RBFOX1: variants seen among roughly 807,000 people sequenced by gnomAD.
The protein encoded by RBFOX1 is RNA binding protein fox-1 homolog 1.
In RBFOX1, 8 loss-of-function variants were observed where a neutral mutation model predicts 57.7. That is an observed-to-expected ratio of 0.14 (90% CI 0.08 to 0.25). The LOEUF (loss-of-function observed/expected upper bound fraction) is 0.25, where lower values mean the gene tolerates loss of function less well. RBFOX1 is among the 10% of genes least tolerant of loss of function. The pLI, the probability that RBFOX1 is intolerant of heterozygous loss-of-function variation, is 1.00. For synonymous variants in RBFOX1, 326 were observed against 222.4 expected (o/e 1.47, Z -4.15); for missense variants, 611 against 548.5 (o/e 1.11, Z -1.14).
At chr16:6,863,859 T>G (rs529401648) in intron 3 of RBFOX1, among the ~76,000 whole-genome samples, 4 of 150,976 alleles carry the variant, frequency 2.6e-5, no homozygotes, top group Non-Finnish European at 5.9e-5. Context: ...AAATACCAAG[T>G]TCTTTACTGG....
chr16:7,379,725 C>G (rs1260573573), intron 4 of RBFOX1, among the ~76,000 whole-genome samples: 1 of 151,894 alleles, frequency 6.6e-6, no homozygotes, highest in Non-Finnish European at 1.5e-5. Context: ...TTCCTTCCTT[C>G]CTTCCTTTCT....
chr16:5,422,941 G>A (rs2067393096), intron 1 of RBFOX1, among the ~76,000 whole-genome samples: 1 of 121,996 alleles, frequency 8.2e-6, no homozygotes, highest in Admixed American at 8.0e-5. Flanking sequence ...TGAGGGAGAG[G>A]GAAGGGGGAG....
At chr16:6,534,331 G>A (rs2096706208) in intron 2 of RBFOX1, among the ~76,000 whole-genome samples, 1 of 152,100 alleles carries the variant, frequency 6.6e-6, no homozygotes, top group African/African-American at 2.4e-5. Flanking sequence ...CCACCAAAGA[G>A]TCCATGCTTT....
At chr16:7,664,628 T>C in intron 12 of RBFOX1, 1 of 422,154 alleles carries the variant, frequency 2.4e-6, no homozygotes, top group Non-Finnish European at 4.3e-6. Context: ...TAAATCTCAG[T>C]CCTCTTTGCA....
At chr16:7,080,048 A>ATG (rs1192939105) in intron 4 of RBFOX1, among the ~76,000 whole-genome samples, 2 of 143,180 alleles carry the variant, frequency 1.4e-5, no homozygotes, top group South Asian at 2.2e-4. Flanking sequence ...AGATGTATAT[A>ATG]TATATACATA....
chr16:7,043,662 T>A (rs1466834021), intron 3 of RBFOX1, among the ~76,000 whole-genome samples: 1 of 152,240 alleles, frequency 6.6e-6, no homozygotes, highest in East Asian at 1.9e-4. Context: ...TCCTGAAAAC[T>A]GGATTTTCCA....
At chr16:7,692,295 A>C (rs2077518368) in intron 14 of RBFOX1, among the ~76,000 whole-genome samples, 1 of 152,196 alleles carries the variant, frequency 6.6e-6, no homozygotes, top group African/African-American at 2.4e-5. Context: ...ACTGAATGTG[A>C]AATTCTAGGG....
intron 1 of RBFOX1, among the ~76,000 whole-genome samples, chr16:6,124,727 C>A (rs2096576559): frequency 6.6e-6 from 1 of 152,072 alleles, no homozygotes; most frequent in Non-Finnish European, 1.5e-5. Flanking sequence ...GGGGTTTCAC[C>A]ATGTTGGCCA....
chr16:7,472,317 T>G (rs749479973), intron 4 of RBFOX1, among the ~76,000 whole-genome samples: 5 of 139,540 alleles, frequency 3.6e-5, no homozygotes, highest in African/African-American at 1.5e-4. Context: ...AATTACCAAA[T>G]AGTAATTTGG....
chr16:5,830,642 A>C (rs1271141617), intron 3 of RBFOX1, among the ~76,000 whole-genome samples: 2 of 152,170 alleles, frequency 1.3e-5, no homozygotes, highest in Non-Finnish European at 2.9e-5. Context: ...AAAATGCAGC[A>C]GCTAGGATGA....
intron 3 of RBFOX1, among the ~76,000 whole-genome samples, chr16:6,721,059 A>G (rs1353972050): frequency 6.6e-6 from 1 of 152,214 alleles, no homozygotes; most frequent in Non-Finnish European, 1.5e-5. Context: ...CACAATAAAC[A>G]GTAGAATATT....
chr16:7,233,869 T>C (rs759935580), intron 4 of RBFOX1, among the ~76,000 whole-genome samples: 2 of 152,236 alleles, frequency 1.3e-5, no homozygotes, highest in Non-Finnish European at 2.9e-5. Context: ...CTGCCGATCT[T>C]AGCCAAAAAG....
chr16:7,533,744 C>T (rs1193598544), intron 5 of RBFOX1, among the ~76,000 whole-genome samples: 4 of 152,156 alleles, frequency 2.6e-5, no homozygotes, highest in Non-Finnish European at 5.9e-5. Flanking sequence ...TGTATTGTTT[C>T]CACATCATTA....
intron 1 of RBFOX1, among the ~76,000 whole-genome samples, chr16:6,161,041 C>T (rs2096874796): frequency 6.6e-6 from 1 of 152,212 alleles, no homozygotes; most frequent in African/African-American, 2.4e-5. Flanking sequence ...CTTTATTCTG[C>T]AGCCCTGCCC....
At chr16:7,425,943 A>G (rs542830512) in intron 4 of RBFOX1, among the ~76,000 whole-genome samples, 1 of 152,358 alleles carries the variant, frequency 6.6e-6, no homozygotes, top group South Asian at 2.1e-4. Flanking sequence ...CAGTGTTTAC[A>G]GAAATGTGCT....
chr16:5,356,776 T>C (rs905580807), intron 1 of RBFOX1, among the ~76,000 whole-genome samples: 1 of 152,172 alleles, frequency 6.6e-6, no homozygotes, highest in African/African-American at 2.4e-5. Flanking sequence ...AGGAGGAAAT[T>C]AATTTATTTG....
intron 3 of RBFOX1, among the ~76,000 whole-genome samples, chr16:6,884,159 C>G (rs947238284): frequency 9.9e-5 from 15 of 152,212 alleles, no homozygotes; most frequent in Non-Finnish European, 1.8e-4. Flanking sequence ...CAGACAGAAG[C>G]TGCTTCCGAG....
At chr16:5,984,966 ATATATATATATTTTTTT>A (rs1432830829) in intron 4 of RBFOX1, among the ~76,000 whole-genome samples, 884 of 56,642 alleles carry the variant, frequency 0.016, 10 homozygotes, top group Admixed American at 0.023. Flanking sequence ...ATATATATAT[ATATATATATATTTTTTT>A]TTTTTTTTTT....
rs199862110 is a variant in RBFOX1 at position 7,152,306 on chromosome 16, G to C, written c.27+100208G>C. On this transcript the variant is annotated intron_variant, in intron 4 of 15. Transcript: ENST00000550418. The stretch of plus-strand genomic sequence containing the variant: ...GTATTCTATCAGTGGAAAGAGAGAT[G>C]TTGCTACCAGAAAAACTACAGAAGG... Among the ~76,000 whole-genome samples, 17 of 152,282 alleles carry C rather than the reference G, an allele frequency of 1.1e-4. No homozygotes were observed. In the East Asian group the frequency reaches 3.3e-3, roughly 29 times the overall value.
Sources: gnomAD v4.1 joint callset for allele counts (sites outside exome capture counted in the v4.1 genomes callset) on GRCh38, gnomAD v4.1.1 for gene constraint, MANE v1.5 for transcripts, NCBI Gene and HGNC (gene_info 2026-07-23, HGNC 2026-07-21) for gene names.